The following NAE1 variants were observed in gnomAD, a reference collection of about 807,000 sequenced individuals.
NAE1 encodes the protein NEDD8 activating enzyme E1 subunit 1, also known as NEDD8-activating enzyme E1 regulatory subunit.
In NAE1, 59 loss-of-function variants were observed where a neutral mutation model predicts 88.0. The observed-to-expected ratio is 0.67, with a 90% CI of 0.54 to 0.83. NAE1 has a LOEUF of 0.83. Among genes scored for constraint, NAE1 ranks in the 40% least tolerant of loss-of-function variants. The pLI is 0.00. For synonymous variants in NAE1, 186 were observed against 208.9 expected (o/e 0.89, Z 0.95); for missense variants, 554 against 632.8 (o/e 0.88, Z 1.34).
chr16:66,803,671 A>G (rs1567484955), intron 19 of NAE1, among the ~76,000 whole-genome samples: 1 of 151,340 alleles, frequency 6.6e-6, no homozygotes, highest in African/African-American at 2.4e-5. Context: ...GCTCACTGCA[A>G]CCTCCTCCTC....
intron 7 of NAE1, 81 bp from the exon 8 acceptor site, chr16:66,818,718 A>T: frequency 1.4e-6 from 2 of 1,458,472 alleles, no homozygotes; most frequent in African/African-American, 1.4e-5. Flanking sequence ...TGTATTACCC[A>T]GGCTGAAGTA....
intron 1 of NAE1, 23 bp downstream of exon 1, chr16:66,830,824 C>T (rs1960664203): frequency 6.6e-7 from 1 of 1,509,032 alleles, no homozygotes; most frequent in African/African-American, 1.4e-5. Context: ...GGCCCGCCCT[C>T]GGCTCGGTGA....
At chr16:66,810,533 T>A in intron 14 of NAE1, 120 bp from the exon 15 acceptor site, 1 of 1,125,304 alleles carries the variant, frequency 8.9e-7, no homozygotes, top group Non-Finnish European at 1.3e-6. Context: ...GAGAGCACTT[T>A]AAAAATATCT....
rs762477396 is a variant in NAE1, at chr16:66,821,565, TA to T, written c.402-7del. On this transcript the variant is annotated splice_region_variant and splice_polypyrimidine_tract_variant and intron_variant, in intron 6 of 19. Coordinates refer to ENST00000290810, the MANE Select transcript of NAE1 (RefSeq NM_003905.4). Reference sequence around the variant, plus strand: ...CTGCTAAGCGTAGTGAAGTGCTGTTTAAAAAAAAAAAGCAAAATATGAACAT... The same window carrying T: ...CTGCTAAGCGTAGTGAAGTGCTGTTTAAAAAAAAAAGCAAAATATGAACAT... 0.024 allele frequency: 26,862 copies of T among 1,129,896 alleles called. 1 individual carries two copies. Among genetic ancestry groups the T allele is most frequent in the South Asian group, 0.052 (3,039 of 58,762 alleles). 70.0% of individuals were successfully genotyped at this position (1,129,896 alleles called of 1,614,324 possible). A position where few individuals can be genotyped will look rare whatever the true frequency, so the allele number is the denominator to read the frequency against.
intron 7 of NAE1, among the ~76,000 whole-genome samples, chr16:66,821,091 A>T (rs1960239103): frequency 6.6e-6 from 1 of 152,026 alleles, no homozygotes; most frequent in South Asian, 2.1e-4. Flanking sequence ...AAAAGACTGG[A>T]GTGGGGAAAG....
chr16:66,805,533 G>C (rs1959528956), intron 19 of NAE1: 1 of 376,110 alleles, frequency 2.7e-6, no homozygotes, highest in Non-Finnish European at 4.7e-6. Flanking sequence ...CAGCTATTCA[G>C]GAGGCGGAGG....
chr16:66,823,370 G>A (rs1270633744), intron 5 of NAE1, 64 bp from the exon 6 acceptor site: 6 of 1,390,760 alleles, frequency 4.3e-6, no homozygotes, highest in Admixed American at 2.1e-5. Flanking sequence ...TATTAAACAT[G>A]GCAGAGACAG....
At chr16:66,810,549 C>T in intron 14 of NAE1, 136 bp from the exon 15 acceptor site, 1 of 1,101,388 alleles carries the variant, frequency 9.1e-7, no homozygotes, top group Non-Finnish European at 1.3e-6. Context: ...TATCTTGTTT[C>T]CTTATCACAA....
chr16:66,825,186 G>A (rs1392874668), intron 3 of NAE1, among the ~76,000 whole-genome samples: 1 of 152,162 alleles, frequency 6.6e-6, no homozygotes, highest in Non-Finnish European at 1.5e-5. Context: ...GGTGGCTCAT[G>A]CCTGTAATCC....
intron 9 of NAE1, 69 bp from the exon 10 acceptor site, chr16:66,817,097 T>C: frequency 6.6e-7 from 1 of 1,512,646 alleles, no homozygotes; most frequent in Non-Finnish European, 8.8e-7. Context: ...AAGTCTAAAG[T>C]GTCCCCCATT....
At chr16:66,818,949 C>T (rs1482402783) in intron 7 of NAE1, among the ~76,000 whole-genome samples, 1 of 152,132 alleles carries the variant, frequency 6.6e-6, no homozygotes, top group Non-Finnish European at 1.5e-5. Context: ...CAGGTGTGAG[C>T]CACCGTGCCC....
intron 19 of NAE1, among the ~76,000 whole-genome samples, chr16:66,803,850 C>A (rs1490688043): frequency 6.6e-6 from 1 of 152,104 alleles, no homozygotes; most frequent in Non-Finnish European, 1.5e-5. Flanking sequence ...ACCTCAGCCT[C>A]CCAAAGCGGA....
At chr16:66,823,423 C>G in intron 5 of NAE1, 106 bp downstream of exon 5, 1 of 1,297,392 alleles carries the variant, frequency 7.7e-7, no homozygotes, top group Non-Finnish European at 1.1e-6. Context: ...TCCAATTCAA[C>G]TAATCATAAA....
chr16:66,809,161 T>C (rs1278953990), intron 15 of NAE1, 86 bp from the exon 16 acceptor site: 6 of 933,910 alleles, frequency 6.4e-6, no homozygotes, highest in African/African-American at 1.7e-5. Flanking sequence ...CAGAGAATTA[T>C]GTGTATACCC....
At position 66,816,571 on chromosome 16, in the gene NAE1, C is replaced by A. The variant is rs772588768; in HGVS notation, c.840+10G>T. On this transcript the variant is annotated intron_variant, in intron 11 of 19. Coordinates refer to ENST00000290810, the MANE Select transcript of NAE1 (RefSeq NM_003905.4). ...TGTTCATGTGAATCCCTCAGCAACT[C>A]TTTCATTACCTGAGTTGTATTTAGT... is the stretch of plus-strand genomic sequence containing the variant. 1 of 1,582,282 alleles carries A rather than the reference C, an allele frequency of 6.3e-7. No homozygotes were observed. The highest frequency in any genetic ancestry group is 1.7e-5 in the Admixed American group (1 of 59,642).
chr16:66,806,150 CA>C, intron 17 of NAE1, 124 bp from the exon 18 acceptor site: 1 of 1,179,738 alleles, frequency 8.5e-7, no homozygotes, highest in Non-Finnish European at 1.1e-6. Context: ...ACAAAAATAA[CA>C]AAGTATGAGA....
chr16:66,811,797 T>A (rs978945583), intron 13 of NAE1, among the ~76,000 whole-genome samples: 12 of 152,192 alleles, frequency 7.9e-5, no homozygotes, highest in Non-Finnish European at 1.6e-4. Context: ...CTTCTTTCTA[T>A]CCTCAATTGA....
At chr16:66,819,769 T>C (rs189976544) in intron 7 of NAE1, among the ~76,000 whole-genome samples, 29 of 152,366 alleles carry the variant, frequency 1.9e-4, no homozygotes, top group African/African-American at 6.3e-4. Flanking sequence ...ACTCAATCTG[T>C]ACCTTATAAA....
At chr16:66,809,926 G>A (rs1226639832) in intron 15 of NAE1, among the ~76,000 whole-genome samples, 1 of 152,044 alleles carries the variant, frequency 6.6e-6, no homozygotes, top group African/African-American at 2.4e-5. Context: ...AGACTCCTAC[G>A]AACCTAACCA....
Sources: gnomAD v4.1 joint callset for allele counts (sites outside exome capture counted in the v4.1 genomes callset) on GRCh38, gnomAD v4.1.1 for gene constraint, MANE v1.5 for transcripts, NCBI Gene and HGNC (gene_info 2026-07-23, HGNC 2026-07-21) for gene names.